The following MSANTD2 variants were observed in gnomAD, a reference collection of about 807,000 sequenced individuals.
The protein encoded by MSANTD2 is myb/SANT-like DNA-binding domain-containing protein 2.
MSANTD2 carries 19 observed loss-of-function variants against 52.6 expected under a neutral mutation model. That is an observed-to-expected ratio of 0.36 (90% confidence interval 0.25 to 0.53). MSANTD2 has a LOEUF of 0.53. Among genes scored for constraint, MSANTD2 ranks in the 20% least tolerant of loss-of-function variants. The pLI is 0.91. For missense variants in MSANTD2, 558 were observed against 716.3 expected, an observed-to-expected ratio of 0.78 and a Z score of 2.52; for synonymous variants, 291 against 289.7, an observed-to-expected ratio of 1.00 and a Z score of -0.04.
In MSANTD2 at chr11:124,768,933, G is replaced by T. The variant is rs1195744631; in HGVS notation, c.828-905C>A. Among the ~76,000 whole-genome samples, 12 of 152,308 alleles carry T rather than the reference G, an allele frequency of 7.9e-5. No homozygotes were observed. The South Asian group carries it at 2.5e-3, about 32-fold the overall frequency. On this transcript the variant is annotated intron_variant, in intron 3 of 3. Coordinates refer to ENST00000374979, the MANE Select transcript of MSANTD2 (RefSeq NM_001308027.2). ...AAGCTATATAAAGTTTGCTTCTCAA[G>T]TACAGCAAAACTTTGATACTGGAAG...
intron 1 of MSANTD2, among the ~76,000 whole-genome samples, chr11:124,776,799 A>C (rs1300642818): frequency 3.3e-5 from 5 of 152,242 alleles, no homozygotes; most frequent in African/African-American, 1.2e-4. Flanking sequence ...TACCCCCTGC[A>C]CAAGCATCTG....
chr11:124,798,351 G>C (rs969988527), intron 1 of MSANTD2, among the ~76,000 whole-genome samples: 7 of 151,580 alleles, frequency 4.6e-5, no homozygotes, highest in Non-Finnish European at 7.4e-5. Context: ...TTGGGCAAGA[G>C]AGGGAGATCC....
chr11:124,789,371 G>A (rs1005108160), intron 1 of MSANTD2: 1 of 152,140 alleles, frequency 6.6e-6, no homozygotes, highest in Non-Finnish European at 1.5e-5. Flanking sequence ...TTACAACAAA[G>A]TAGTCTTACA....
chr11:124,773,908 C>G (rs1944635768), intron 2 of MSANTD2, among the ~76,000 whole-genome samples: 1 of 152,170 alleles, frequency 6.6e-6, no homozygotes, highest in Non-Finnish European at 1.5e-5. Flanking sequence ...ACATAACCTC[C>G]TGTTAATGTA....
At chr11:124,768,181 T>C (rs909239208) in intron 3 of MSANTD2, among the ~76,000 whole-genome samples, 153 bp from the exon 4 acceptor site, 7 of 152,252 alleles carry the variant, frequency 4.6e-5, no homozygotes, top group African/African-American at 1.7e-4. Context: ...TTTTTAATTA[T>C]ATTTAGTTTA....
At position 124,799,952 on chromosome 11, in the gene MSANTD2, T is replaced by C; in HGVS notation, c.429A>G (p.Pro143=). 6.3e-7 allele frequency: 1 copy of C among 1,586,084 alleles called. No individual in the cohort carries two copies. The highest frequency in any genetic ancestry group is 1.1e-5 in the South Asian group (1 of 89,262). Residue 143 remains proline (P), a synonymous_variant, in exon 1 of 4, where the codon CCA becomes CCG. Coordinates refer to ENST00000374979, the MANE Select transcript of MSANTD2 (RefSeq NM_001308027.2). ...GTVFGSKAPG[P]AMYERVSRAL... ...CCCGGGACACGCGCTCGTACATGGC[T>C]GGCCCGGGGGCCTTGCTGCCGAACA...
intron 2 of MSANTD2, 28 bp from the exon 3 acceptor site, chr11:124,773,082 T>C (rs752666403): frequency 7.4e-7 from 1 of 1,355,500 alleles, no homozygotes. Flanking sequence ...TGAAAAAAGT[T>C]ATACTTTCCT....
chr11:124,792,810 T>C (rs930122018), intron 1 of MSANTD2: 4 of 152,118 alleles, frequency 2.6e-5, no homozygotes, highest in African/African-American at 7.2e-5. Context: ...TTTAAAGAAA[T>C]CTTGTGATGA....
chr11:124,781,655 T>C (rs1944973742), intron 1 of MSANTD2, among the ~76,000 whole-genome samples: 1 of 87,854 alleles, frequency 1.1e-5, no homozygotes, highest in Non-Finnish European at 2.2e-5. Context: ...TCAATGTCTT[T>C]TTTTTTTTTT....
chr11:124,769,233 C>T (rs1944412889), intron 3 of MSANTD2, among the ~76,000 whole-genome samples: 1 of 152,192 alleles, frequency 6.6e-6, no homozygotes, highest in Non-Finnish European at 1.5e-5. Context: ...CTCTCGCTCT[C>T]CTTGACTTTC....
rs1162799003 is a variant in MSANTD2, at chr11:124,766,681, GAA to G, written c.*493_*494del. 6.5e-6 allele frequency: 1 copy of G among 152,912 alleles called. No individual in the cohort carries two copies. Among genetic ancestry groups the G allele is most frequent in the Non-Finnish European group, 1.5e-5 (1 of 68,352 alleles). 9.5% of individuals were successfully genotyped at this position (152,912 alleles called of 1,614,324 possible). On this transcript the variant is annotated 3_prime_UTR_variant, in exon 4 of 4. Coordinates refer to ENST00000374979, the MANE Select transcript of MSANTD2 (RefSeq NM_001308027.2). ...TACAATAGTAGCTAAGGGTGATATT[GAA>G]AAAGTCTTTTTAACTGTGAATCAAG... is the stretch of plus-strand genomic sequence containing the variant.
chr11:124,785,931 A>G (rs1279510111), intron 1 of MSANTD2, among the ~76,000 whole-genome samples: 1 of 151,920 alleles, frequency 6.6e-6, no homozygotes, highest in African/African-American at 2.4e-5. Flanking sequence ...TGGTTTCAAA[A>G]CTAAGACCTG....
At chr11:124,784,169 AT>A in intron 1 of MSANTD2, 1 of 985,144 alleles carries the variant, frequency 1.0e-6, no homozygotes. Context: ...AAAAAAAAAA[AT>A]CAGTTGTTGG....
At chr11:124,794,463 T>C (rs897963375) in intron 1 of MSANTD2, among the ~76,000 whole-genome samples, 1 of 152,176 alleles carries the variant, frequency 6.6e-6, no homozygotes, top group Admixed American at 6.5e-5. Context: ...TCAGGTAACA[T>C]TGGGATGGTA....
chr11:124,791,885 A>G (rs1339306585), intron 1 of MSANTD2: 2 of 403,510 alleles, frequency 5.0e-6, no homozygotes, highest in East Asian at 1.1e-4. Context: ...TCTGCCTTCA[A>G]TTAGAACAGA....
intron 1 of MSANTD2, among the ~76,000 whole-genome samples, chr11:124,786,476 C>T (rs985711279): frequency 6.6e-6 from 1 of 152,202 alleles, no homozygotes; most frequent in Non-Finnish European, 1.5e-5. Flanking sequence ...TGATAAGCCA[C>T]ATCCTTACCT....
At position 124,774,638 on chromosome 11, in the gene MSANTD2, C is replaced by T. The variant is rs918133126; in HGVS notation, c.766+81G>A. 11 of 1,377,612 alleles carry T rather than the reference C, an allele frequency of 8.0e-6. No homozygotes were observed. The highest frequency in any genetic ancestry group is 2.3e-5 in the East Asian group (1 of 43,742). The allele number at this position is 1,377,612 out of a possible 1,614,324, so 85.3% of individuals were successfully genotyped here. On this transcript the variant is annotated intron_variant, in intron 2 of 3. Coordinates refer to ENST00000374979, the MANE Select transcript of MSANTD2 (RefSeq NM_001308027.2). This position sits in a 1 kb window ranked among gnomAD's most constrained non-coding sequence, Gnocchi z 5.1. ...TAGGGAACAGTACCAAAGATATTTA[C>T]AGGTAATAAGTACTGGTGCACATAC...
rs561880503 is a variant in MSANTD2, at chr11:124,787,852, G to A, written c.510+12019C>T. ...GGGGGTGGTGGCTCCCAGCACTTTC[G>A]GAGGCCAAAGTGGGCAGATTGCTTG... On this transcript the variant is annotated intron_variant, in intron 1 of 3. Transcript: ENST00000374979. Among the ~76,000 whole-genome samples the A allele has an allele frequency of 1.1e-4, 17 of 152,014 alleles. No individual in the cohort carries two copies. The South Asian group carries it at 2.1e-3, about 19-fold the overall frequency.
At chr11:124,777,684 C>T (rs1017428787) in intron 1 of MSANTD2, among the ~76,000 whole-genome samples, 1 of 152,160 alleles carries the variant, frequency 6.6e-6, no homozygotes, top group Non-Finnish European at 1.5e-5. Context: ...TTGAATACTG[C>T]ACTATGCTAG....
Sources: allele counts gnomAD v4.1 joint callset (sites outside exome capture counted in the v4.1 genomes callset), GRCh38; gene constraint gnomAD v4.1.1; non-coding constraint Gnocchi (gnomAD v3.1); transcripts MANE v1.5; gene names NCBI Gene and HGNC (gene_info 2026-07-23, HGNC 2026-07-21).